SMARCC1: variants seen among roughly 807,000 people sequenced by gnomAD.
The protein encoded by SMARCC1 is SWI/SNF complex subunit SMARCC1.
SMARCC1 carries 43 observed loss-of-function variants against 147.4 expected under a neutral mutation model. That is an observed-to-expected ratio of 0.29 (90% CI 0.23 to 0.38). SMARCC1 has a LOEUF of 0.38. Among genes scored for constraint, SMARCC1 ranks in the 10% least tolerant of loss-of-function variants. SMARCC1 has a pLI of 1.00. For synonymous variants in SMARCC1, 495 were observed against 484.4 expected (o/e 1.02, Z -0.29); for missense variants, 1,119 against 1,381.1 (o/e 0.81, Z 3.01).
chr3:47,638,705 T>C lies in SMARCC1; in HGVS notation c.2376+20A>G. The C allele has an allele frequency of 2.5e-6, 4 of 1,604,652 alleles. No homozygotes were observed. The highest frequency in any genetic ancestry group is 3.4e-6 in the Non-Finnish European group (4 of 1,171,374). Reference sequence around the variant, plus strand: ...TCTGAAAGGCATGCTATCTGTGGTTTTACTGCTGTGAGACTTTACCTTTTC... The same window carrying C: ...TCTGAAAGGCATGCTATCTGTGGTTCTACTGCTGTGAGACTTTACCTTTTC... On this transcript the variant is annotated intron_variant, in intron 22 of 27. Coordinates refer to ENST00000254480, the MANE Select transcript of SMARCC1 (RefSeq NM_003074.4).
chr3:47,719,799 G>C (rs2034207571), intron 7 of SMARCC1, among the ~76,000 whole-genome samples: 1 of 152,140 alleles, frequency 6.6e-6, no homozygotes, highest in South Asian at 2.1e-4. Context: ...GTAGTGCCAT[G>C]ATCTCGGCTC....
chr3:47,749,307 C>A (rs535673745), intron 2 of SMARCC1, among the ~76,000 whole-genome samples: 2 of 151,962 alleles, frequency 1.3e-5, no homozygotes, highest in African/African-American at 4.8e-5. Context: ...AAATAAAAAT[C>A]ATTTAAATGG....
Position 47,655,178 on chromosome 3 carries a change from G to C in SMARCC1, c.2320+6116C>G, listed in dbSNP as rs117757689. 7.3e-3 allele frequency among the ~76,000 whole-genome samples: 1,107 copies of C among 152,316 alleles called. 32 individuals are homozygous for C. Among genetic ancestry groups the C allele is most frequent in the Admixed American group, 0.061 (935 of 15,300 alleles). On this transcript the variant is annotated intron_variant, in intron 21 of 27. Transcript: ENST00000254480. ...ACTAGGTGTTTATATGATATGTTCT[G>C]TAGAGCACTAGCTAGCAATTTTAAT...
intron 26 of SMARCC1, among the ~76,000 whole-genome samples, chr3:47,604,940 G>A (rs1401348223): frequency 6.6e-6 from 1 of 152,150 alleles, no homozygotes; most frequent in Non-Finnish European, 1.5e-5. Context: ...GCCTCAAGTG[G>A]TCCACCTGCC....
intron 3 of SMARCC1, among the ~76,000 whole-genome samples, chr3:47,738,984 C>A (rs563955387): frequency 6.6e-6 from 1 of 152,244 alleles, no homozygotes; most frequent in Non-Finnish European, 1.5e-5. Flanking sequence ...TCTCCAATGT[C>A]TCTTTACATT....
At chr3:47,636,679 C>T (rs921545959) in intron 22 of SMARCC1, among the ~76,000 whole-genome samples, 5 of 151,922 alleles carry the variant, frequency 3.3e-5, no homozygotes, top group African/African-American at 4.8e-5. Flanking sequence ...CTTGAACACC[C>T]GGGAGGCAGA....
Position 47,587,581 on chromosome 3 carries a change from ACT to A in SMARCC1, c.*626_*627del, listed in dbSNP as rs1158448437. 2 of 152,874 alleles carry A rather than the reference ACT, an allele frequency of 1.3e-5. No individual in the cohort carries two copies. The highest frequency in any genetic ancestry group is 4.8e-5 in the African/African-American group (2 of 41,432). 9.5% of individuals were successfully genotyped at this position (152,874 alleles called of 1,614,324 possible). A position where few individuals can be genotyped will look rare whatever the true frequency, so the allele number is the denominator to read the frequency against. On this transcript the variant is annotated 3_prime_UTR_variant, in exon 28 of 28. Transcript: ENST00000254480. The stretch of plus-strand genomic sequence containing the variant: ...AGAGGCCTCACTAGGGAATAAAATC[ACT>A]GAGGTTCTCCTTCCACATCTCGTTT...
chr3:47,703,505 TA>T (rs2033952010), intron 10 of SMARCC1, among the ~76,000 whole-genome samples: 1 of 151,920 alleles, frequency 6.6e-6, no homozygotes, highest in Non-Finnish European at 1.5e-5. Context: ...CTGGCAAAAA[TA>T]AATAAATAAA....
chr3:47,695,092 C>T (rs773030731), intron 11 of SMARCC1, among the ~76,000 whole-genome samples: 1 of 152,096 alleles, frequency 6.6e-6, no homozygotes, highest in Non-Finnish European at 1.5e-5. Context: ...ATGTTGAAAC[C>T]CAACTGTAGT....
At chr3:47,711,116 A>G (rs757794448) in intron 8 of SMARCC1, among the ~76,000 whole-genome samples, 10 of 152,186 alleles carry the variant, frequency 6.6e-5, no homozygotes, top group Non-Finnish European at 1.2e-4. Flanking sequence ...AACATTCAAC[A>G]GCACAGAGCC....
chr3:47,652,276 G>A (rs1413009244), intron 21 of SMARCC1, among the ~76,000 whole-genome samples: 1 of 152,088 alleles, frequency 6.6e-6, no homozygotes, highest in Non-Finnish European at 1.5e-5. Flanking sequence ...AGGCTTCTGT[G>A]GGTTTTGTTG....
intron 6 of SMARCC1, among the ~76,000 whole-genome samples, chr3:47,728,435 T>C (rs927726715): frequency 2.6e-5 from 4 of 152,274 alleles, no homozygotes; most frequent in Admixed American, 2.6e-4. Flanking sequence ...CTCACTAATG[T>C]GTACTTTCTA....
intron 12 of SMARCC1, among the ~76,000 whole-genome samples, 169 bp from the exon 13 acceptor site, chr3:47,689,593 A>C (rs1286492817): frequency 6.6e-6 from 1 of 152,228 alleles, no homozygotes; most frequent in Non-Finnish European, 1.5e-5. Flanking sequence ...TTCTACACAG[A>C]AGCACAGAGG....
chr3:47,670,911 C>A (rs926387216), intron 18 of SMARCC1, among the ~76,000 whole-genome samples, 194 bp from the exon 19 acceptor site: 1 of 151,950 alleles, frequency 6.6e-6, no homozygotes, highest in Non-Finnish European at 1.5e-5. Flanking sequence ...ACTGGCCAGG[C>A]GTGGTAGCTC....
At chr3:47,704,902 G>A (rs2033972552) in intron 10 of SMARCC1, among the ~76,000 whole-genome samples, 1 of 147,630 alleles carries the variant, frequency 6.8e-6, no homozygotes, top group Non-Finnish European at 1.5e-5. Context: ...GGGCAACAGA[G>A]CAAGACCCTG....
At chr3:47,751,376 AC>A (rs1285798668) in intron 2 of SMARCC1, among the ~76,000 whole-genome samples, 4 of 151,934 alleles carry the variant, frequency 2.6e-5, no homozygotes, top group Non-Finnish European at 5.9e-5. Context: ...CCCTGTCTCT[AC>A]CAAAAATACA....
At chr3:47,638,987 T>C (rs2033012059) in intron 21 of SMARCC1, among the ~76,000 whole-genome samples, 1 of 152,110 alleles carries the variant, frequency 6.6e-6, no homozygotes, top group Non-Finnish European at 1.5e-5. Flanking sequence ...ATCTATGGTG[T>C]CAGCACTCAG....
chr3:47,737,686 C>T (rs2034460424), intron 4 of SMARCC1, among the ~76,000 whole-genome samples: 1 of 152,144 alleles, frequency 6.6e-6, no homozygotes, highest in Non-Finnish European at 1.5e-5. Context: ...GACGGAGTCT[C>T]GCTCTGTTGC....
chr3:47,690,167 G>C (rs1373477950), intron 12 of SMARCC1, among the ~76,000 whole-genome samples: 3 of 152,024 alleles, frequency 2.0e-5, no homozygotes, highest in African/African-American at 7.3e-5. Context: ...TCCAGCCTGG[G>C]CAACAGAGCA....
Sources: gnomAD v4.1 joint callset for allele counts (sites outside exome capture counted in the v4.1 genomes callset) on GRCh38, gnomAD v4.1.1 for gene constraint, MANE v1.5 for transcripts, NCBI Gene and HGNC (gene_info 2026-07-23, HGNC 2026-07-21) for gene names.